Variants in LEKR1 observed in about 807,000 individuals in gnomAD.
LEKR1 encodes the protein leucine, glutamate and lysine rich 1.
Under a neutral mutation model 72.4 loss-of-function variants are expected in LEKR1, and 59 were observed. The observed-to-expected ratio is 0.82, with a 90% confidence interval of 0.66 to 1.01. The LOEUF is 1.01. Ranked by LOEUF, LEKR1 falls within the 50% of genes least tolerant of loss-of-function variation. The pLI is 0.00. For missense variants in LEKR1, 728 were observed against 759.2 expected, an observed-to-expected ratio of 0.96 and a Z score of 0.48; for synonymous variants, 257 against 263.2, an observed-to-expected ratio of 0.98 and a Z score of 0.23.
intron 6 of LEKR1, among the ~76,000 whole-genome samples, chr3:156,969,673 A>G (rs1002897575): frequency 4.6e-5 from 7 of 152,220 alleles, no homozygotes; most frequent in African/African-American, 1.7e-4. Flanking sequence ...ATGGATTCAC[A>G]GCCGAATTCT....
intron 5 of LEKR1, among the ~76,000 whole-genome samples, chr3:156,936,316 A>G (rs906742958): frequency 7.2e-5 from 11 of 152,092 alleles, no homozygotes; most frequent in African/African-American, 2.7e-4. Flanking sequence ...TAATACATAA[A>G]GATATATAGG....
At chr3:156,917,666 C>T (rs1723782914) in intron 3 of LEKR1, among the ~76,000 whole-genome samples, 1 of 152,106 alleles carries the variant, frequency 6.6e-6, no homozygotes, top group African/African-American at 2.4e-5. Context: ...CAAACTGTTC[C>T]ATCTGAGATA....
intron 3 of LEKR1, among the ~76,000 whole-genome samples, chr3:156,900,367 G>A (rs1390055481): frequency 1.3e-5 from 2 of 152,164 alleles, no homozygotes; most frequent in South Asian, 4.1e-4. Context: ...TAGACTGCAC[G>A]TATTGTAACC....
intron 9 of LEKR1, among the ~76,000 whole-genome samples, chr3:157,007,035 T>TA (rs1380214158): frequency 1.3e-5 from 2 of 150,434 alleles, no homozygotes; most frequent in African/African-American, 2.5e-5. Context: ...CCGTCTCTAC[T>TA]AAAAAAATAC....
chr3:156,953,592 G>T (rs1175813136), intron 6 of LEKR1, among the ~76,000 whole-genome samples: 1 of 151,660 alleles, frequency 6.6e-6, no homozygotes, highest in Admixed American at 6.6e-5. Flanking sequence ...ACTTACAAGT[G>T]AGAACACTGG....
At chr3:156,905,536 T>A (rs1328318427) in intron 3 of LEKR1, among the ~76,000 whole-genome samples, 1 of 152,196 alleles carries the variant, frequency 6.6e-6, no homozygotes, top group Non-Finnish European at 1.5e-5. Flanking sequence ...TTTCTGGTCT[T>A]GTGCATTCTC....
chr3:156,976,415 G>A (rs773092106), intron 6 of LEKR1, among the ~76,000 whole-genome samples: 3 of 151,872 alleles, frequency 2.0e-5, no homozygotes, highest in Non-Finnish European at 2.9e-5. Flanking sequence ...AAAGCACCAG[G>A]GGCCATTTAA....
chr3:156,856,855 C>A (rs1716121258), intron 3 of LEKR1, among the ~76,000 whole-genome samples: 1 of 152,048 alleles, frequency 6.6e-6, no homozygotes, highest in African/African-American at 2.4e-5. Flanking sequence ...ACATCATATG[C>A]AAATAGTGCC....
intron 6 of LEKR1, among the ~76,000 whole-genome samples, chr3:156,962,033 T>C (rs1470607532): frequency 6.6e-6 from 1 of 152,244 alleles, no homozygotes; most frequent in Non-Finnish European, 1.5e-5. Flanking sequence ...CCTCGACTTG[T>C]TTATTTTCTA....
At chr3:157,024,125 CAG>C (rs1323078874) in intron 10 of LEKR1, among the ~76,000 whole-genome samples, 6 of 152,186 alleles carry the variant, frequency 3.9e-5, no homozygotes, top group African/African-American at 1.2e-4. Flanking sequence ...AGGAAAAGAT[CAG>C]AATTCAAAAG....
intron 9 of LEKR1, among the ~76,000 whole-genome samples, chr3:157,009,077 T>C (rs937326802): frequency 6.6e-6 from 1 of 152,210 alleles, no homozygotes; most frequent in Non-Finnish European, 1.5e-5. Flanking sequence ...ATTTATCTTT[T>C]GTTACTGACA....
At chr3:156,929,818 T>A (rs1003689730) in intron 5 of LEKR1, among the ~76,000 whole-genome samples, 2 of 152,152 alleles carry the variant, frequency 1.3e-5, no homozygotes, top group African/African-American at 4.8e-5. Flanking sequence ...ATCTTGAGCC[T>A]TGCACATGAT....
chr3:156,977,212 G>C (rs1416059285), intron 6 of LEKR1, among the ~76,000 whole-genome samples: 1 of 152,188 alleles, frequency 6.6e-6, no homozygotes, highest in Non-Finnish European at 1.5e-5. Flanking sequence ...ACAGAATACA[G>C]AGCCTAGGGA....
At chr3:156,971,785 A>C (rs1283053185) in intron 6 of LEKR1, among the ~76,000 whole-genome samples, 10 of 152,210 alleles carry the variant, frequency 6.6e-5, no homozygotes, top group African/African-American at 2.4e-4. Flanking sequence ...TCAAAACCAC[A>C]ATGAGATACC....
chr3:156,901,320 A>T, intron 3 of LEKR1, among the ~76,000 whole-genome samples: 1 of 152,120 alleles, frequency 6.6e-6, no homozygotes, highest in Non-Finnish European at 1.5e-5. Context: ...GGACACGCAA[A>T]GAAGCAGCTG....
chr3:156,983,075 A>C (rs1030975973), intron 7 of LEKR1, among the ~76,000 whole-genome samples: 1 of 152,186 alleles, frequency 6.6e-6, no homozygotes, highest in Non-Finnish European at 1.5e-5. Flanking sequence ...TAAACTGATA[A>C]AACATCATCA....
chr3:156,947,626 C>A (rs563794610), intron 6 of LEKR1, among the ~76,000 whole-genome samples: 9 of 151,038 alleles, frequency 6.0e-5, no homozygotes, highest in African/African-American at 2.2e-4. Flanking sequence ...TGGTAAGGAG[C>A]CTCTCAACTC....
intron 9 of LEKR1, among the ~76,000 whole-genome samples, chr3:156,994,405 G>A (rs921438876): frequency 7.9e-5 from 12 of 152,072 alleles, no homozygotes; most frequent in African/African-American, 1.7e-4. Context: ...TCTCTCGTCC[G>A]TCCTGGGATG....
At chr3:157,014,852 G>T (rs1250789089) in intron 10 of LEKR1, among the ~76,000 whole-genome samples, 2 of 152,058 alleles carry the variant, frequency 1.3e-5, no homozygotes, top group African/African-American at 4.8e-5. Flanking sequence ...ACTTACAGAA[G>T]TTAGGTAATT....
Sources: gnomAD v4.1 joint callset for allele counts (sites outside exome capture counted in the v4.1 genomes callset) on GRCh38, gnomAD v4.1.1 for gene constraint, MANE v1.5 for transcripts, NCBI Gene and HGNC (gene_info 2026-07-23, HGNC 2026-07-21) for gene names.